PDCD1LG2: variants seen among roughly 807,000 people sequenced by gnomAD.
The protein encoded by PDCD1LG2 is programmed cell death 1 ligand 2.
PDCD1LG2 carries 32 observed loss-of-function variants against 28.2 expected under a neutral mutation model. The ratio of observed to expected loss-of-function variants is 1.13; its 90% CI spans 0.86 to 1.52. PDCD1LG2 has a LOEUF of 1.52. Among genes scored for constraint, PDCD1LG2 ranks in the 40% most tolerant of loss-of-function variants. PDCD1LG2 has a pLI of 0.00. For synonymous variants in PDCD1LG2, 116 were observed against 120.2 expected, an observed-to-expected ratio of 0.97 and a Z score of 0.23; for missense variants, 385 against 323.8, an observed-to-expected ratio of 1.19 and a Z score of -1.45.
At chr9:5,566,206 T>A (rs1171756055) in intron 6 of PDCD1LG2, among the ~76,000 whole-genome samples, 3 of 152,236 alleles carry the variant, frequency 2.0e-5, no homozygotes, top group Non-Finnish European at 4.4e-5. Flanking sequence ...TGCATGTACT[T>A]CTTACAAGAC....
intron 5 of PDCD1LG2, among the ~76,000 whole-genome samples, chr9:5,558,196 C>G (rs1285955170): frequency 6.6e-6 from 1 of 152,166 alleles, no homozygotes; most frequent in Non-Finnish European, 1.5e-5. Flanking sequence ...GGAATCTCAA[C>G]CTCACGGTTG....
chr9:5,567,426 A>G (rs1816687749), intron 6 of PDCD1LG2, among the ~76,000 whole-genome samples: 1 of 152,158 alleles, frequency 6.6e-6, no homozygotes, highest in South Asian at 2.1e-4. Flanking sequence ...CTGTGCTACT[A>G]TTTGGGCCTA....
chr9:5,539,107 G>A (rs1307245049), intron 3 of PDCD1LG2, among the ~76,000 whole-genome samples: 3 of 152,134 alleles, frequency 2.0e-5, no homozygotes, highest in East Asian at 1.9e-4. Flanking sequence ...GGATACATAT[G>A]TAAGAGTAAA....
In PDCD1LG2 at chr9:5,549,463, A is replaced by G; in HGVS notation, c.490A>G (p.Thr164Ala). The change falls in exon 4 of 7, where the codon ACC becomes GCC. Residue 164 changes from threonine to alanine, a missense_variant. Coordinates refer to ENST00000397747, the MANE Select transcript of PDCD1LG2 (RefSeq NM_025239.4). ...SWPNVSVPANTSHSRTPEGLY... is the reference protein window; with the variant it reads ...SWPNVSVPANASHSRTPEGLY... ...GCCAAACGTCAGCGTTCCTGCCAAC[A>G]CCAGCCACTCCAGGACCCCTGAAGG... 1 of 1,611,346 alleles carries G rather than the reference A, an allele frequency of 6.2e-7. No individual in the cohort carries two copies.
intron 2 of PDCD1LG2, among the ~76,000 whole-genome samples, chr9:5,528,289 C>T (rs60754084): frequency 0.17 from 24,819 of 144,858 alleles, 2,458 homozygotes; most frequent in African/African-American, 0.28. Flanking sequence ...TATATATATA[C>T]ACACACACAC....
chr9:5,552,826 C>T (rs769841044), intron 4 of PDCD1LG2, among the ~76,000 whole-genome samples: 3 of 152,196 alleles, frequency 2.0e-5, no homozygotes, highest in Non-Finnish European at 4.4e-5. Flanking sequence ...CCTTTTCCCA[C>T]TTCCCTACCT....
At chr9:5,558,708 C>T (rs929871023) in intron 5 of PDCD1LG2, among the ~76,000 whole-genome samples, 1 of 152,188 alleles carries the variant, frequency 6.6e-6, no homozygotes, top group Non-Finnish European at 1.5e-5. Flanking sequence ...TTGTCCATTG[C>T]CCTATGTGTG....
In PDCD1LG2 at chr9:5,557,768, T is replaced by G. The variant is rs201487830; in HGVS notation, c.766+16T>G. The G allele has an allele frequency of 2.0e-4, 324 of 1,613,618 alleles. No homozygotes were observed. The African/African-American group carries it at 3.9e-3, about 20-fold the overall frequency. ...TCTTCAAAAGGTAAGTGAGTTTTAT[T>G]CATGGTAACCCAATGCACTGGGTGT... On this transcript the variant is annotated intron_variant, in intron 5 of 6. Transcript: ENST00000397747.
At chr9:5,558,919 T>C (rs546471216) in intron 5 of PDCD1LG2, among the ~76,000 whole-genome samples, 1 of 152,304 alleles carries the variant, frequency 6.6e-6, no homozygotes, top group African/African-American at 2.4e-5. Flanking sequence ...GGAGGAGGTA[T>C]GTCCAACAGA....
At chr9:5,533,699 G>A (rs544603111) in intron 2 of PDCD1LG2, among the ~76,000 whole-genome samples, 10 of 152,032 alleles carry the variant, frequency 6.6e-5, no homozygotes, top group East Asian at 1.9e-4. Flanking sequence ...TTCTAGTGGC[G>A]TGTCCCTCAC....
chr9:5,539,249 G>T (rs1820643423), intron 3 of PDCD1LG2, among the ~76,000 whole-genome samples: 1 of 152,016 alleles, frequency 6.6e-6, no homozygotes, highest in Non-Finnish European at 1.5e-5. Context: ...TATTTTAGGA[G>T]GAATACAAGC....
At chr9:5,542,339 ACTT>A in intron 3 of PDCD1LG2, among the ~76,000 whole-genome samples, 1 of 151,508 alleles carries the variant, frequency 6.6e-6, no homozygotes, top group South Asian at 2.1e-4. Flanking sequence ...ATAAATAGGG[ACTT>A]AATTAAACTA....
At chr9:5,529,768 T>C (rs570763614) in intron 2 of PDCD1LG2, among the ~76,000 whole-genome samples, 68 of 152,286 alleles carry the variant, frequency 4.5e-4, no homozygotes, top group Non-Finnish European at 6.9e-4. Flanking sequence ...GTTACTCCAC[T>C]TCGCCTATCT....
At chr9:5,554,375 A>G (rs1743800797) in intron 4 of PDCD1LG2, among the ~76,000 whole-genome samples, 1 of 152,208 alleles carries the variant, frequency 6.6e-6, no homozygotes, top group Non-Finnish European at 1.5e-5. Context: ...CAAAATAACC[A>G]AAGTCACACA....
At chr9:5,517,491 A>T (rs988563061) in intron 1 of PDCD1LG2, among the ~76,000 whole-genome samples, 4 of 152,202 alleles carry the variant, frequency 2.6e-5, no homozygotes, top group African/African-American at 9.6e-5. Context: ...CCTTTAAAGC[A>T]TGGGGTCCAG....
In PDCD1LG2 at chr9:5,569,439, T is replaced by C. The variant is rs1816729465; in HGVS notation, c.817-515T>C. Among the ~76,000 whole-genome samples the C allele has an allele frequency of 6.6e-6, 1 of 152,088 alleles. No individual in the cohort carries two copies. The highest frequency in any genetic ancestry group is 1.5e-5 in the Non-Finnish European group (1 of 68,008). On this transcript the variant is annotated intron_variant, in intron 6 of 6. Transcript: ENST00000397747. The surrounding 1 kb of genome is among the most constrained non-coding windows in gnomAD (Gnocchi z 4.1). Reference sequence around the variant, plus strand: ...CAGAGGGACAAAGTCAACCCACAACTTGTCTGGGAGGTTGCTGAGGAATAG... The same window carrying C: ...CAGAGGGACAAAGTCAACCCACAACCTGTCTGGGAGGTTGCTGAGGAATAG...
At chr9:5,558,511 A>G (rs1816492638) in intron 5 of PDCD1LG2, among the ~76,000 whole-genome samples, 1 of 152,212 alleles carries the variant, frequency 6.6e-6, no homozygotes, top group Non-Finnish European at 1.5e-5. Flanking sequence ...GTCTGCACTC[A>G]ATGAACTTCT....
intron 5 of PDCD1LG2, among the ~76,000 whole-genome samples, chr9:5,562,005 T>C (rs746700807): frequency 6.6e-6 from 1 of 152,128 alleles, no homozygotes; most frequent in Admixed American, 6.5e-5. Context: ...CAGTGCTGAA[T>C]AGAGACCTCC....
chr9:5,536,036 T>C (rs998564736), intron 3 of PDCD1LG2, among the ~76,000 whole-genome samples: 1 of 152,160 alleles, frequency 6.6e-6, no homozygotes, highest in African/African-American at 2.4e-5. Context: ...TGTACTGTCT[T>C]CTAGAGGGTT....
Sources: allele counts gnomAD v4.1 joint callset (sites outside exome capture counted in the v4.1 genomes callset), GRCh38; gene constraint gnomAD v4.1.1; non-coding constraint Gnocchi (gnomAD v3.1); transcripts MANE v1.5; gene names NCBI Gene and HGNC (gene_info 2026-07-23, HGNC 2026-07-21).